ULK4: variants seen among roughly 807,000 people sequenced by gnomAD.
ULK4 encodes the protein inactive serine/threonine-protein kinase ULK4.
A neutral mutation model predicts 160.6 loss-of-function variants in ULK4; 133 were observed. That is an observed-to-expected ratio of 0.83 (90% CI 0.72 to 0.96). The LOEUF (loss-of-function observed/expected upper bound fraction) is 0.96, where lower values mean the gene tolerates loss of function less well. Ranked by LOEUF, ULK4 falls within the 40% of genes least tolerant of loss-of-function variation. The pLI, the probability that ULK4 is intolerant of heterozygous loss-of-function variation, is 0.00. For missense variants in ULK4, 1,580 were observed against 1,499.5 expected, an observed-to-expected ratio of 1.05 and a Z score of -0.89; for synonymous variants, 534 against 539.8, an observed-to-expected ratio of 0.99 and a Z score of 0.15.
At chr3:41,945,958 A>G (rs189009848) in intron 2 of ULK4, among the ~76,000 whole-genome samples, 97 of 152,274 alleles carry the variant, frequency 6.4e-4, no homozygotes, top group Non-Finnish European at 7.3e-5. Context: ...ATTCATAGAA[A>G]GTCAAAACTA....
At chr3:41,463,395 G>A (rs2083743655) in intron 32 of ULK4, 142 bp from the exon 33 acceptor site, 11 of 771,512 alleles carry the variant, frequency 1.4e-5, no homozygotes, top group Admixed American at 3.2e-5. Context: ...GATTCACTGA[G>A]GAAAGTTGTT....
At chr3:41,636,754 C>A (rs2033967926) in intron 30 of ULK4, among the ~76,000 whole-genome samples, 1 of 151,816 alleles carries the variant, frequency 6.6e-6, no homozygotes, top group Non-Finnish European at 1.5e-5. Context: ...TATCCCTCCC[C>A]CGTCCCCCCA....
At chr3:41,657,639 G>A (rs1194577668) in intron 30 of ULK4, among the ~76,000 whole-genome samples, 2 of 151,772 alleles carry the variant, frequency 1.3e-5, no homozygotes, top group Non-Finnish European at 2.9e-5. Flanking sequence ...CCAAGATGGT[G>A]AAACCCCATC....
In ULK4 at chr3:41,775,699, G is replaced by A. The variant is rs1038754480; in HGVS notation, c.2193+13962C>T. 6.0e-5 allele frequency among the ~76,000 whole-genome samples: 9 copies of A among 150,478 alleles called. 1 individual carries two copies. The highest frequency in any genetic ancestry group is 1.5e-4 in the African/African-American group (6 of 40,024). On this transcript the variant is annotated intron_variant, in intron 21 of 36. Transcript: ENST00000301831. ...CAGGCATGAGCCACCGCGCCCAGCC[G>A]ACAACTCCTCTTTTTTTAAACATTG...
At chr3:41,681,896 A>C (rs1437613804) in intron 27 of ULK4, 92 bp from the exon 28 acceptor site, 2 of 1,423,708 alleles carry the variant, frequency 1.4e-6, no homozygotes. Context: ...CAGAATCCCT[A>C]ATCAAAGGAG....
intron 31 of ULK4, among the ~76,000 whole-genome samples, chr3:41,573,743 A>G (rs766240392): frequency 6.6e-6 from 1 of 152,208 alleles, no homozygotes; most frequent in Non-Finnish European, 1.5e-5. Flanking sequence ...GCTCTAGAGA[A>G]TGGTAGTCTA....
chr3:41,918,595 C>CTTTTTTTTTTTTTTTTT lies in ULK4; in HGVS notation c.644-72_644-56dup, dbSNP rs36064862. ...AAGAAGTCTGCTATCACCAATAATT[C>CTTTTTTTTTTTTTTTTT]TTTTTTTTTTTTTTTTTTTTTTTTG... On this transcript the variant is annotated intron_variant, in intron 6 of 36. Coordinates refer to ENST00000301831, the MANE Select transcript of ULK4 (RefSeq NM_017886.4). The CTTTTTTTTTTTTTTTTT allele has an allele frequency of 2.4e-5, 5 of 206,754 alleles. No homozygotes were observed. In the African/African-American group the frequency reaches 2.5e-4, roughly 10 times the overall value. 12.8% of individuals were successfully genotyped at this position (206,754 alleles called of 1,614,324 possible).
At chr3:41,359,230 C>A (rs1012498126) in intron 35 of ULK4, among the ~76,000 whole-genome samples, 2 of 152,078 alleles carry the variant, frequency 1.3e-5, no homozygotes, top group East Asian at 1.9e-4. Flanking sequence ...GCCAAGTGGG[C>A]GAAGATGTGG....
At chr3:41,452,170 G>A (rs1051755466) in intron 34 of ULK4, among the ~76,000 whole-genome samples, 4 of 152,108 alleles carry the variant, frequency 2.6e-5, no homozygotes, top group African/African-American at 9.7e-5. Flanking sequence ...TCTGCTCCAA[G>A]TTCCTGGTTA....
intron 22 of ULK4, among the ~76,000 whole-genome samples, chr3:41,724,610 C>T (rs2037585071): frequency 6.6e-6 from 1 of 152,010 alleles, no homozygotes; most frequent in African/African-American, 2.4e-5. Context: ...GTAGTCCCAG[C>T]TACTCGGGAG....
In ULK4 at chr3:41,705,075, C is replaced by A. The variant is rs1695111640; in HGVS notation, c.2763G>T (p.Leu921Phe). The A allele has an allele frequency of 1.9e-6, 3 of 1,611,618 alleles. No homozygotes were observed. The highest frequency in any genetic ancestry group is 2.5e-6 in the Non-Finnish European group (3 of 1,179,440). The change falls in exon 27 of 37, where the codon TTG (leucine) becomes TTT (phenylalanine). Residue 921 changes from leucine (L) to phenylalanine (F), a missense_variant. By Grantham distance (22) the Leu-to-Phe change is conservative (BLOSUM62 0). Coordinates refer to ENST00000301831, the MANE Select transcript of ULK4 (RefSeq NM_017886.4). ...FEAIIQYPIL[L>F]KDYRSTVVDY... ...AACTGACCGTGGAGCGATAGTCTTT[C>A]AATAAAATAGGATACTGTATTATTG...
At chr3:41,746,251 T>C (rs574746910) in intron 22 of ULK4, among the ~76,000 whole-genome samples, 56 of 68,994 alleles carry the variant, frequency 8.1e-4, no homozygotes, top group African/African-American at 3.2e-3. Context: ...ATTGGCTATA[T>C]AGAAAATCTC....
At chr3:41,253,895 A>T (rs1388112005) in intron 35 of ULK4, among the ~76,000 whole-genome samples, 1 of 152,224 alleles carries the variant, frequency 6.6e-6, no homozygotes, top group East Asian at 1.9e-4. Context: ...TTCAGAGCAA[A>T]GAAAATTACC....
At chr3:41,811,097 G>C (rs920784872) in intron 19 of ULK4, among the ~76,000 whole-genome samples, 8 of 151,968 alleles carry the variant, frequency 5.3e-5, no homozygotes, top group African/African-American at 1.9e-4. Context: ...ATGTTGCCCA[G>C]GCTGGTCTCG....
intron 31 of ULK4, among the ~76,000 whole-genome samples, chr3:41,589,388 C>A (rs2031101722): frequency 1.8e-5 from 2 of 111,246 alleles, no homozygotes; most frequent in African/African-American, 3.6e-5. Flanking sequence ...TTTTTGAAAT[C>A]AATCTGCATA....
chr3:41,905,235 T>G (rs1698511063), intron 12 of ULK4, among the ~76,000 whole-genome samples: 1 of 152,164 alleles, frequency 6.6e-6, no homozygotes, highest in Non-Finnish European at 1.5e-5. Flanking sequence ...GGGGAAAGAA[T>G]AAGCTTTTCA....
At chr3:41,299,237 A>G (rs2079733820) in intron 35 of ULK4, among the ~76,000 whole-genome samples, 2 of 152,184 alleles carry the variant, frequency 1.3e-5, no homozygotes, top group Non-Finnish European at 2.9e-5. Flanking sequence ...CACGTGGGGC[A>G]GAACTGGCCC....
chr3:41,556,527 G>A (rs1004492272), intron 32 of ULK4, among the ~76,000 whole-genome samples: 5 of 128,088 alleles, frequency 3.9e-5, no homozygotes, highest in African/African-American at 6.2e-5. Flanking sequence ...TCGCTCTGTC[G>A]CCTAGGCTGG....
chr3:41,860,600 G>T (rs2042477676), intron 17 of ULK4, among the ~76,000 whole-genome samples: 1 of 151,894 alleles, frequency 6.6e-6, no homozygotes, highest in Admixed American at 6.6e-5. Context: ...TTTATTTTCA[G>T]CCTGTGTGTG....
Sources: allele counts gnomAD v4.1 joint callset (sites outside exome capture counted in the v4.1 genomes callset), GRCh38; gene constraint gnomAD v4.1.1; transcripts MANE v1.5; gene names NCBI Gene and HGNC (gene_info 2026-07-23, HGNC 2026-07-21).